FIRRM: variants seen among roughly 807,000 people sequenced by gnomAD.
FIRRM encodes FIGNL1 interacting regulator of recombination and mitosis, also known as FIGNL1-interacting regulator of recombination and mitosis.
the FIRRM span, among the ~76,000 whole-genome samples, chr1:169,806,963 T>C: frequency 6.6e-6 from 1 of 152,236 alleles, no homozygotes; most frequent in Non-Finnish European, 1.5e-5. Flanking sequence ...GCCACATCAC[T>C]ATCATCATCA....
the FIRRM span, chr1:169,852,547 G>C: frequency 3.9e-6 from 2 of 514,798 alleles, no homozygotes; most frequent in African/African-American, 3.8e-5. Context: ...TTTGGGACAG[G>C]ATACTTGTTG....
chr1:169,842,586 CA>C, the FIRRM span: 1 of 1,584,970 alleles, frequency 6.3e-7, no homozygotes, highest in Non-Finnish European at 8.6e-7. Flanking sequence ...TAGAAAATAT[CA>C]AAAAAAGAGG....
the FIRRM span, chr1:169,851,883 T>G: frequency 6.2e-7 from 1 of 1,614,094 alleles, no homozygotes; most frequent in Non-Finnish European, 8.5e-7. Flanking sequence ...AGGTATTTTC[T>G]GGGAACCCTT....
chr1:169,851,998 C>T, the FIRRM span: 2 of 1,610,154 alleles, frequency 1.2e-6, no homozygotes, highest in Non-Finnish European at 1.7e-6. Context: ...TTTTTACTTA[C>T]TGACGAAACA....
At chr1:169,801,597 C>CAA in the FIRRM span, among the ~76,000 whole-genome samples, 80 of 124,420 alleles carry the variant, frequency 6.4e-4, no homozygotes, top group East Asian at 1.4e-3. Context: ...ACCCTTAATT[C>CAA]AAAAAAAAAA....
At chr1:169,850,321 C>G in the FIRRM span, 1 of 1,608,470 alleles carries the variant, frequency 6.2e-7, no homozygotes, top group Non-Finnish European at 8.5e-7. Flanking sequence ...AAACTAAGAA[C>G]AAAGTTGTAT....
the FIRRM span, among the ~76,000 whole-genome samples, chr1:169,848,868 A>G: frequency 6.6e-6 from 1 of 152,250 alleles, no homozygotes; most frequent in African/African-American, 2.4e-5. Flanking sequence ...AATTTTTGAG[A>G]TTCATCAGAA....
At chr1:169,812,948 G>A in the FIRRM span, among the ~76,000 whole-genome samples, 2 of 152,034 alleles carry the variant, frequency 1.3e-5, no homozygotes, top group African/African-American at 4.8e-5. Flanking sequence ...TTTTAATAAG[G>A]GTCAAAATGA....
At chr1:169,803,233 C>T in the FIRRM span, 1 of 1,613,962 alleles carries the variant, frequency 6.2e-7, no homozygotes, top group Non-Finnish European at 8.5e-7. Context: ...ACACAGGAAT[C>T]CATCATTTTG....
the FIRRM span, among the ~76,000 whole-genome samples, chr1:169,833,074 A>G: frequency 1.3e-5 from 2 of 152,120 alleles, no homozygotes; most frequent in Non-Finnish European, 2.9e-5. Context: ...TTTTTCATAT[A>G]TATTTGAGAT....
chr1:169,797,950 G>A, the FIRRM span, among the ~76,000 whole-genome samples: 132 of 152,270 alleles, frequency 8.7e-4, no homozygotes, highest in African/African-American at 3.0e-3. Context: ...TGTATATGAA[G>A]AATTTATTGT....
the FIRRM span, among the ~76,000 whole-genome samples, chr1:169,802,883 A>G: frequency 8.9e-3 from 1,327 of 148,338 alleles, 25 homozygotes; most frequent in African/African-American, 0.032. Context: ...ATGAATTCTG[A>G]ATAATAAACT....
the FIRRM span, among the ~76,000 whole-genome samples, chr1:169,814,419 T>C: frequency 6.6e-6 from 1 of 152,226 alleles, no homozygotes; most frequent in Non-Finnish European, 1.5e-5. Context: ...ATATTCAGTA[T>C]ACAATAATTT....
At chr1:169,829,486 A>C in the FIRRM span, 1 of 1,533,372 alleles carries the variant, frequency 6.5e-7, no homozygotes, top group Non-Finnish European at 8.8e-7. Flanking sequence ...CTAAGGTTAC[A>C]CTTTTGCTTT....
chr1:169,810,834 A>ATTT, the FIRRM span, among the ~76,000 whole-genome samples: 425 of 61,204 alleles, frequency 6.9e-3, 105 homozygotes, highest in African/African-American at 0.021. Context: ...TTAGCCCCCA[A>ATTT]TTTTTTTTTT....
At chr1:169,852,751 A>AGAAT in the FIRRM span, 1 of 1,591,680 alleles carries the variant, frequency 6.3e-7, no homozygotes. Flanking sequence ...CTTTATATTT[A>AGAAT]GAATGGATAT....
the FIRRM span, chr1:169,852,072 C>CTGTT: frequency 8.1e-7 from 1 of 1,238,048 alleles, no homozygotes; most frequent in East Asian, 2.5e-5. Flanking sequence ...ATGTAAAATT[C>CTGTT]TGTTTTATGG....
chr1:169,853,547 TCA>T, the FIRRM span: 3 of 690,182 alleles, frequency 4.3e-6, no homozygotes, highest in South Asian at 3.8e-5. Context: ...TAGCCAGCAC[TCA>T]CAGTCAGTCT....
At chr1:169,848,241 T>A in the FIRRM span, among the ~76,000 whole-genome samples, 1 of 152,194 alleles carries the variant, frequency 6.6e-6, no homozygotes, top group Non-Finnish European at 1.5e-5. Flanking sequence ...AATAGATTAT[T>A]TATAAAATTA....
Sources: gnomAD v4.1 joint callset for allele counts (sites outside exome capture counted in the v4.1 genomes callset) on GRCh38, gnomAD v4.1.1 for gene constraint, MANE v1.5 for transcripts, NCBI Gene and HGNC (gene_info 2026-07-23, HGNC 2026-07-21) for gene names.